Variants in XPO5 observed in about 807,000 individuals in gnomAD.
XPO5 encodes the protein exportin-5.
XPO5 carries 46 observed loss-of-function variants against 160.6 expected under a neutral mutation model. The observed-to-expected ratio is 0.29, with a 90% confidence interval of 0.23 to 0.37. XPO5 has a LOEUF of 0.37. XPO5 is among the 10% of genes least tolerant of loss of function. The pLI is 1.00. For missense variants in XPO5, 1,090 were observed against 1,463.9 expected, an observed-to-expected ratio of 0.74 and a Z score of 4.17; for synonymous variants, 537 against 519.3, an observed-to-expected ratio of 1.03 and a Z score of -0.46.
chr6:43,528,738 C>G, intron 24 of XPO5, 90 bp downstream of exon 24: 1 of 1,265,400 alleles, frequency 7.9e-7, no homozygotes, highest in Non-Finnish European at 1.1e-6. Flanking sequence ...TAGTAGACAA[C>G]ACTTCTAGGA....
rs146905998 is a variant in XPO5, at chr6:43,532,100, T to C, written c.2444-525A>G. On this transcript the variant is annotated intron_variant, in intron 21 of 31. Coordinates refer to ENST00000265351, the MANE Select transcript of XPO5 (RefSeq NM_020750.3). ...TCTAGTATTTCTGGTTGGCCACTTATTTCTATAGCAGGAGTTCCTGACTTA... is the reference window on the plus strand; with the variant it reads ...TCTAGTATTTCTGGTTGGCCACTTACTTCTATAGCAGGAGTTCCTGACTTA... 2.0e-5 allele frequency among the ~76,000 whole-genome samples: 3 copies of C among 152,348 alleles called. No homozygotes were observed. The East Asian group carries it at 5.8e-4, about 29-fold the overall frequency.
intron 1 of XPO5, among the ~76,000 whole-genome samples, chr6:43,574,498 A>G (rs975907117): frequency 6.6e-6 from 1 of 151,194 alleles, no homozygotes; most frequent in East Asian, 1.9e-4. Flanking sequence ...TATTATATAT[A>G]TATTATGAAT....
chr6:43,538,139 C>CTTTTTTTTTTTT (rs1160662301), intron 20 of XPO5, among the ~76,000 whole-genome samples: 4 of 48,920 alleles, frequency 8.2e-5, no homozygotes, highest in African/African-American at 3.3e-4. Context: ...TAAGAGACAT[C>CTTTTTTTTTTTT]TTTTTTTTTT....
chr6:43,528,816 C>T lies in XPO5; in HGVS notation c.2775+12G>A. On this transcript the variant is annotated intron_variant, in intron 24 of 31. Transcript: ENST00000265351. ...AGTACTCTTTGCTTCCTGTTCCTGA[C>T]TTATCTCTTACCATATGGAGGTAGG... 1 of 1,612,538 alleles carries T rather than the reference C, an allele frequency of 6.2e-7. No homozygotes were observed. The highest frequency in any genetic ancestry group is 8.5e-7 in the Non-Finnish European group (1 of 1,178,958).
intron 8 of XPO5, 121 bp from the exon 9 acceptor site, chr6:43,562,467 A>G: frequency 3.9e-6 from 3 of 764,186 alleles, no homozygotes; most frequent in Non-Finnish European, 6.3e-6. Context: ...GAATTCCAAT[A>G]GCTTTGCTAA....
At chr6:43,536,118 G>C (rs1423010441) in intron 20 of XPO5, among the ~76,000 whole-genome samples, 1 of 145,466 alleles carries the variant, frequency 6.9e-6, no homozygotes, top group Non-Finnish European at 1.5e-5. Flanking sequence ...AAAAAAAAAA[G>C]TCATTCGCTA....
At chr6:43,556,000 C>T in intron 12 of XPO5, 36 bp from the exon 13 acceptor site, 1 of 1,610,214 alleles carries the variant, frequency 6.2e-7, no homozygotes, top group Non-Finnish European at 8.5e-7. Flanking sequence ...GGACAGGAAT[C>T]AATAACTGGT....
At chr6:43,537,804 C>T (rs3204712) in intron 20 of XPO5, among the ~76,000 whole-genome samples, 1 of 152,026 alleles carries the variant, frequency 6.6e-6, no homozygotes, top group African/African-American at 2.4e-5. Context: ...TGGTAGCTCA[C>T]GGCTGTAATC....
At chr6:43,527,026 T>C (rs948661008) in intron 26 of XPO5, 1 of 364,594 alleles carries the variant, frequency 2.7e-6, no homozygotes, top group Non-Finnish European at 5.1e-6. Context: ...CTGGTCTACT[T>C]TGAATCTCAA....
At chr6:43,573,755 A>T (rs950547097) in intron 1 of XPO5, among the ~76,000 whole-genome samples, 154 bp from the exon 2 acceptor site, 4 of 151,038 alleles carry the variant, frequency 2.6e-5, no homozygotes, top group Non-Finnish European at 5.9e-5. Context: ...ACTTGAGTCT[A>T]GGAGTCTGAG....
At chr6:43,573,870 C>T (rs543212735) in intron 1 of XPO5, among the ~76,000 whole-genome samples, 253 of 146,376 alleles carry the variant, frequency 1.7e-3, no homozygotes, top group African/African-American at 6.2e-3. Flanking sequence ...GTCGCCCAGG[C>T]TGGAATGCAA....
At chr6:43,560,409 C>T (rs778808300) in intron 10 of XPO5, 106 bp from the exon 11 acceptor site, 5 of 1,363,254 alleles carry the variant, frequency 3.7e-6, no homozygotes, top group Non-Finnish European at 4.8e-6. Flanking sequence ...TAAATCTGTA[C>T]AATACTTTGA....
At chr6:43,572,227 C>T (rs1026804015) in intron 3 of XPO5, among the ~76,000 whole-genome samples, 2 of 152,222 alleles carry the variant, frequency 1.3e-5, no homozygotes, top group Non-Finnish European at 1.5e-5. Flanking sequence ...CAGGCATGCG[C>T]CACCACGCTC....
chr6:43,575,359 A>C (rs1460140041), intron 1 of XPO5, among the ~76,000 whole-genome samples: 1 of 152,032 alleles, frequency 6.6e-6, no homozygotes, highest in East Asian at 1.9e-4. Flanking sequence ...TGCAGGAGAG[A>C]CCATAAAGAA....
rs1160662301 is a variant in XPO5, at chr6:43,538,139, C to CTTTT, written c.2343-4136_2343-4133dup. 5.6e-3 allele frequency among the ~76,000 whole-genome samples: 274 copies of CTTTT among 48,960 alleles called. 31 individuals carry two copies. The highest frequency in any genetic ancestry group is 0.018 in the African/African-American group (224 of 12,126). 32.1% of individuals were successfully genotyped at this position (48,960 alleles called of 152,430 possible). ...TATAAATTTAGAGCCTAAGAGACAT[C>CTTTT]TTTTTTTTTTTTTTTTTTTTTTTTT... On this transcript the variant is annotated intron_variant, in intron 20 of 31. Coordinates refer to ENST00000265351, the MANE Select transcript of XPO5 (RefSeq NM_020750.3).
chr6:43,527,769 A>G, intron 25 of XPO5, 38 bp from the exon 26 acceptor site: 1 of 1,607,438 alleles, frequency 6.2e-7, no homozygotes, highest in South Asian at 1.1e-5. Context: ...ACAGGAGTGC[A>G]GAAAAGGAAG....
At chr6:43,534,464 A>C (rs895750016) in intron 20 of XPO5, among the ~76,000 whole-genome samples, 4 of 152,168 alleles carry the variant, frequency 2.6e-5, no homozygotes, top group African/African-American at 9.7e-5. Context: ...TTTGGACCTG[A>C]TAGAGGAACA....
chr6:43,569,205 T>A (rs567276138), intron 5 of XPO5, among the ~76,000 whole-genome samples: 4 of 150,350 alleles, frequency 2.7e-5, no homozygotes, highest in African/African-American at 7.4e-5. Flanking sequence ...GGCAGAAGAA[T>A]CACTCGAACC....
chr6:43,564,148 C>T (rs1350737857), intron 8 of XPO5, among the ~76,000 whole-genome samples: 1 of 152,140 alleles, frequency 6.6e-6, no homozygotes, highest in Non-Finnish European at 1.5e-5. Context: ...TCTTGAACTC[C>T]TGACCTCAGG....
Sources: gnomAD v4.1 joint callset for allele counts (sites outside exome capture counted in the v4.1 genomes callset) on GRCh38, gnomAD v4.1.1 for gene constraint, MANE v1.5 for transcripts, NCBI Gene and HGNC (gene_info 2026-07-23, HGNC 2026-07-21) for gene names.